Variants in C8orf34 observed in about 807,000 individuals in gnomAD.
C8orf34 encodes the protein chromosome 8 open reading frame 34, also known as uncharacterized protein C8orf34.
Under a neutral mutation model 68.3 loss-of-function variants are expected in C8orf34, and 65 were observed. That is an observed-to-expected ratio of 0.95 (90% CI 0.78 to 1.17). C8orf34 has a LOEUF of 1.17. Among genes scored for constraint, C8orf34 ranks in the 50% most tolerant of loss-of-function variants. The pLI is 0.00. For missense variants in C8orf34, 664 were observed against 655.4 expected (o/e 1.01, Z -0.14); for synonymous variants, 244 against 241.2 (o/e 1.01, Z -0.11).
chr8:68,360,056 T>C (rs894481571), intron 1 of C8orf34, among the ~76,000 whole-genome samples: 1 of 152,160 alleles, frequency 6.6e-6, no homozygotes. Context: ...ACACAAGATG[T>C]TCCACTTCCC....
chr8:68,789,751 A>G (rs893788667), intron 12 of C8orf34, among the ~76,000 whole-genome samples: 1 of 152,198 alleles, frequency 6.6e-6, no homozygotes, highest in Non-Finnish European at 1.5e-5. Context: ...GTTTATCAGG[A>G]CAGCTAGAAA....
chr8:68,716,447 T>A (rs1821474221), intron 9 of C8orf34, among the ~76,000 whole-genome samples: 1 of 151,900 alleles, frequency 6.6e-6, no homozygotes, highest in Non-Finnish European at 1.5e-5. Context: ...AAATAAAAAA[T>A]CAATACATCA....
intron 8 of C8orf34, among the ~76,000 whole-genome samples, chr8:68,661,509 G>A (rs919283455): frequency 2.6e-5 from 4 of 152,170 alleles, no homozygotes; most frequent in African/African-American, 9.7e-5. Context: ...TAAGTGAAAC[G>A]AAGACAAGGT....
intron 10 of C8orf34, among the ~76,000 whole-genome samples, chr8:68,747,739 T>C (rs1338558182): frequency 3.3e-5 from 5 of 151,708 alleles, no homozygotes; most frequent in Non-Finnish European, 5.9e-5. Context: ...TAAAAGAGGA[T>C]ACAAACAAAT....
chr8:68,762,942 C>T (rs1823061801), intron 10 of C8orf34, among the ~76,000 whole-genome samples: 1 of 152,140 alleles, frequency 6.6e-6, no homozygotes, highest in Non-Finnish European at 1.5e-5. Flanking sequence ...AGGGCCCACA[C>T]TCTGTGCCCT....
intron 12 of C8orf34, among the ~76,000 whole-genome samples, chr8:68,804,438 A>G (rs72652117): frequency 0.085 from 12,951 of 152,190 alleles, 1,175 homozygotes; most frequent in African/African-American, 0.23. Flanking sequence ...TCATCAGTCA[A>G]TATGGTAGAG....
chr8:68,632,873 A>G (rs1376447727), intron 7 of C8orf34, among the ~76,000 whole-genome samples: 1 of 152,174 alleles, frequency 6.6e-6, no homozygotes, highest in Non-Finnish European at 1.5e-5. Flanking sequence ...GCCTCCATCT[A>G]GATTTCAGAG....
At chr8:68,417,149 T>C (rs1330574249) in intron 1 of C8orf34, among the ~76,000 whole-genome samples, 7 of 152,174 alleles carry the variant, frequency 4.6e-5, no homozygotes, top group Non-Finnish European at 4.4e-5. Flanking sequence ...AATACTTTAA[T>C]TGAAATATTT....
chr8:68,650,150 CTAAA>C (rs978194719), intron 8 of C8orf34, among the ~76,000 whole-genome samples: 2 of 151,840 alleles, frequency 1.3e-5, no homozygotes, highest in African/African-American at 4.8e-5. Context: ...TGGGTTTTAA[CTAAA>C]TAAATAGAAG....
At chr8:68,749,058 T>C (rs1485762886) in intron 10 of C8orf34, among the ~76,000 whole-genome samples, 1 of 151,914 alleles carries the variant, frequency 6.6e-6, no homozygotes, top group South Asian at 2.1e-4. Flanking sequence ...TATGCAGCCA[T>C]AAAAAATGAT....
chr8:68,713,122 G>T (rs1821371488), intron 9 of C8orf34, among the ~76,000 whole-genome samples: 1 of 152,052 alleles, frequency 6.6e-6, no homozygotes, highest in Non-Finnish European at 1.5e-5. Context: ...TCTTTGAACT[G>T]AACGATAATA....
At chr8:68,589,643 A>C (rs563072882) in intron 7 of C8orf34, among the ~76,000 whole-genome samples, 7 of 146,656 alleles carry the variant, frequency 4.8e-5, no homozygotes, top group African/African-American at 1.6e-4. Context: ...GGAGAGAAGA[A>C]GAGAGGAGGA....
rs1409196558 is a variant in C8orf34 at position 68,560,252 on chromosome 8, T to C, written c.1105+27103T>C. ...CGAGAGACAGTTCACACACATGCAG[T>C]AGGGAAAGAAGGAGGAGTTTTCATT... On this transcript the variant is annotated intron_variant, in intron 7 of 13. Coordinates refer to ENST00000518698, the MANE Select transcript of C8orf34 (RefSeq NM_052958.4). Among the ~76,000 whole-genome samples, 3 of 151,372 alleles carry C rather than the reference T, an allele frequency of 2.0e-5. No individual in the cohort carries two copies. The East Asian group carries it at 5.8e-4, about 29-fold the overall frequency.
chr8:68,696,339 T>C (rs967150792), intron 8 of C8orf34, among the ~76,000 whole-genome samples: 2 of 148,398 alleles, frequency 1.3e-5, no homozygotes, highest in East Asian at 2.0e-4. Flanking sequence ...TAATAGATTA[T>C]ATTATATATT....
At chr8:68,451,250 C>T (rs1366853585) in intron 3 of C8orf34, among the ~76,000 whole-genome samples, 2 of 152,124 alleles carry the variant, frequency 1.3e-5, no homozygotes, top group South Asian at 4.1e-4. Flanking sequence ...CTGATTTGAT[C>T]TTCTATCCAG....
chr8:68,661,350 AT>A (rs1365351310), intron 8 of C8orf34, among the ~76,000 whole-genome samples: 2 of 152,160 alleles, frequency 1.3e-5, no homozygotes, highest in African/African-American at 4.8e-5. Flanking sequence ...TTGGGTCTGC[AT>A]TTTACTCACC....
chr8:68,755,711 T>C (rs1288352176), intron 10 of C8orf34, among the ~76,000 whole-genome samples: 5 of 152,206 alleles, frequency 3.3e-5, no homozygotes, highest in Non-Finnish European at 7.3e-5. Context: ...TAGGGGGAAC[T>C]GTATCCTTCA....
intron 7 of C8orf34, among the ~76,000 whole-genome samples, chr8:68,636,860 G>C (rs1393128924): frequency 3.3e-5 from 5 of 152,128 alleles, no homozygotes; most frequent in African/African-American, 4.8e-5. Context: ...TGGACACTGT[G>C]ATAAAAACAA....
intron 1 of C8orf34, among the ~76,000 whole-genome samples, chr8:68,362,216 A>T (rs994120482): frequency 2.0e-5 from 3 of 152,224 alleles, no homozygotes; most frequent in Non-Finnish European, 4.4e-5. Flanking sequence ...TATAAATTTG[A>T]GGTTCTTCAA....
Sources: allele counts gnomAD v4.1 joint callset (sites outside exome capture counted in the v4.1 genomes callset), GRCh38; gene constraint gnomAD v4.1.1; transcripts MANE v1.5; gene names NCBI Gene and HGNC (gene_info 2026-07-23, HGNC 2026-07-21).